Variants in LNPK observed in about 807,000 individuals in gnomAD.
The protein encoded by LNPK is lunapark, ER junction formation factor, also known as endoplasmic reticulum junction formation protein lunapark.
A neutral mutation model predicts 55.2 loss-of-function variants in LNPK; 29 were observed. The observed-to-expected ratio is 0.53, with a 90% CI of 0.39 to 0.72. The LOEUF is 0.72. Among genes scored for constraint, LNPK ranks in the 30% least tolerant of loss-of-function variants. The pLI is 0.00. For synonymous variants in LNPK, 162 were observed against 168.2 expected, an observed-to-expected ratio of 0.96 and a Z score of 0.29; for missense variants, 467 against 494.8, an observed-to-expected ratio of 0.94 and a Z score of 0.53.
At chr2:175,934,375 T>C (rs1163715275) in intron 12 of LNPK, among the ~76,000 whole-genome samples, 1 of 152,174 alleles carries the variant, frequency 6.6e-6, no homozygotes, top group Non-Finnish European at 1.5e-5. Flanking sequence ...TCAAGTTAAA[T>C]TTTACCTTAT....
intron 9 of LNPK, among the ~76,000 whole-genome samples, chr2:175,941,806 A>AG (rs1684857697): frequency 6.8e-6 from 1 of 147,278 alleles, no homozygotes; most frequent in African/African-American, 2.5e-5. Flanking sequence ...AAAAAAAAAA[A>AG]AGAAAAAGAA....
At chr2:175,960,441 A>T (rs1422397962) in intron 8 of LNPK, among the ~76,000 whole-genome samples, 1 of 152,076 alleles carries the variant, frequency 6.6e-6, no homozygotes, top group African/African-American at 2.4e-5. Flanking sequence ...AAACTGAACA[A>T]CCTGCTCCTG....
rs1179028094 is a variant in LNPK, at chr2:175,929,238, G to C, written c.*729C>G. The C allele has an allele frequency of 1.0e-5, 10 of 958,336 alleles. No homozygotes were observed. Among genetic ancestry groups the C allele is most frequent in the Non-Finnish European group, 1.1e-5 (9 of 805,048 alleles). 59.4% of individuals were successfully genotyped at this position (958,336 alleles called of 1,614,324 possible). On this transcript the variant is annotated 3_prime_UTR_variant, in exon 13 of 13. Transcript: ENST00000272748. ...CAGAATTCAAATAGGGTCAAGTGCA[G>C]AAATATTTCCTATATGCTAGTGTGT...
chr2:175,955,593 A>C (rs776403168), intron 8 of LNPK, among the ~76,000 whole-genome samples: 1 of 152,228 alleles, frequency 6.6e-6, no homozygotes, highest in Non-Finnish European at 1.5e-5. Context: ...AATTTCTTAC[A>C]AGGCAAATTT....
intron 4 of LNPK, among the ~76,000 whole-genome samples, chr2:175,989,714 T>C (rs997746349): frequency 8.5e-5 from 13 of 152,152 alleles, no homozygotes; most frequent in African/African-American, 3.1e-4. Flanking sequence ...GGCATTTATA[T>C]TATGATTTAA....
chr2:175,996,081 G>A (rs1217471295), intron 1 of LNPK, among the ~76,000 whole-genome samples: 1 of 151,948 alleles, frequency 6.6e-6, no homozygotes, highest in African/African-American at 2.4e-5. Flanking sequence ...CTAAACTGCT[G>A]GGATTATAGG....
In LNPK at chr2:175,986,131, C is replaced by T. The variant is rs1042160686; in HGVS notation, c.257+6100G>A. On this transcript the variant is annotated intron_variant, in intron 4 of 12. Coordinates refer to ENST00000272748, the MANE Select transcript of LNPK (RefSeq NM_030650.3). ...AGAAATACGGGGAAAAGCAGAAATA[C>T]ACTGTTATTAGGATGTAGAAGATCT... Among the ~76,000 whole-genome samples the T allele has an allele frequency of 2.6e-5, 4 of 152,224 alleles. No individual in the cohort carries two copies. In the East Asian group the frequency reaches 5.8e-4, roughly 22 times the overall value.
At chr2:175,948,256 C>T (rs1271962623) in intron 8 of LNPK, among the ~76,000 whole-genome samples, 1 of 152,170 alleles carries the variant, frequency 6.6e-6, no homozygotes, top group East Asian at 1.9e-4. Context: ...AACAGATCTA[C>T]TCCATATAAA....
chr2:175,941,677 G>C (rs1213457580), intron 9 of LNPK, among the ~76,000 whole-genome samples: 2 of 151,476 alleles, frequency 1.3e-5, no homozygotes, highest in Non-Finnish European at 2.9e-5. Flanking sequence ...TGTAGTCCCA[G>C]CTACTTGAGA....
intron 8 of LNPK, among the ~76,000 whole-genome samples, chr2:175,963,147 C>A (rs1293927902): frequency 8.8e-5 from 13 of 148,344 alleles, no homozygotes; most frequent in East Asian, 7.8e-4. Context: ...GTCAGTGTGG[C>A]GATTCCTCAG....
intron 8 of LNPK, among the ~76,000 whole-genome samples, chr2:175,960,597 A>G (rs1685968882): frequency 6.6e-6 from 1 of 152,250 alleles, no homozygotes; most frequent in Non-Finnish European, 1.5e-5. Flanking sequence ...AATGCCCACA[A>G]GAGAAAGCAG....
rs1687743483 is a variant in LNPK at position 175,992,338 on chromosome 2, G to A, written c.150C>T (p.Ser50=). Reference sequence around the variant, plus strand: ...AGCATGTAAACAGATAGAGAACTGAGGAATACAGAATTAATCTTCCAACCC... The same window carrying A: ...AGCATGTAAACAGATAGAGAACTGAAGAATACAGAATTAATCTTCCAACCC... The part of the protein sequence containing the change: ...KLWVGRLILY[S]SVLYLFTCLI... Residue 50 remains serine, a synonymous_variant, in exon 4 of 13, where the codon TCC becomes TCT. Transcript: ENST00000272748. The A allele has an allele frequency of 6.4e-7, 1 of 1,553,036 alleles. No homozygotes were observed. Among genetic ancestry groups the A allele is most frequent in the Non-Finnish European group, 8.7e-7 (1 of 1,155,090 alleles).
chr2:175,995,466 C>A, intron 2 of LNPK, 92 bp downstream of exon 2: 5 of 919,812 alleles, frequency 5.4e-6, no homozygotes, highest in South Asian at 3.8e-5. Context: ...AACTACTATT[C>A]AAGGCTATAA....
chr2:175,986,523 T>C (rs1687420684), intron 4 of LNPK, among the ~76,000 whole-genome samples: 3 of 152,106 alleles, frequency 2.0e-5, no homozygotes, highest in South Asian at 4.2e-4. Context: ...TTCAAAAACA[T>C]GTACAGTGTT....
intron 1 of LNPK, among the ~76,000 whole-genome samples, chr2:176,000,338 A>G (rs1041124175): frequency 3.3e-5 from 5 of 152,210 alleles, no homozygotes; most frequent in African/African-American, 1.2e-4. Context: ...AAAAATATCT[A>G]CACTTCATAG....
intron 5 of LNPK, among the ~76,000 whole-genome samples, chr2:175,971,950 GCT>G (rs749424102): frequency 2.0e-5 from 3 of 152,224 alleles, no homozygotes; most frequent in South Asian, 4.1e-4. Context: ...ACAGGGTATT[GCT>G]CTGTCACCCA....
intron 6 of LNPK, among the ~76,000 whole-genome samples, chr2:175,969,460 T>G (rs1473388597): frequency 6.6e-6 from 1 of 152,232 alleles, no homozygotes; most frequent in Non-Finnish European, 1.5e-5. Context: ...GATCCTGTTT[T>G]CTGGCCATAT....
At chr2:175,930,929 T>C (rs1684254343) in intron 12 of LNPK, among the ~76,000 whole-genome samples, 1 of 152,028 alleles carries the variant, frequency 6.6e-6, no homozygotes, top group African/African-American at 2.4e-5. Context: ...TACATGAAAA[T>C]TTACTCCTTT....
intron 4 of LNPK, among the ~76,000 whole-genome samples, chr2:175,987,052 A>C (rs1212491029): frequency 6.6e-6 from 1 of 152,178 alleles, no homozygotes; most frequent in African/African-American, 2.4e-5. Context: ...CATACTTGGA[A>C]GCTCTCAAAG....
Sources: gnomAD v4.1 joint callset for allele counts (sites outside exome capture counted in the v4.1 genomes callset) on GRCh38, gnomAD v4.1.1 for gene constraint, MANE v1.5 for transcripts, NCBI Gene and HGNC (gene_info 2026-07-23, HGNC 2026-07-21) for gene names.